Variants in SNX15 observed in about 807,000 individuals in gnomAD.
SNX15 encodes the protein sorting nexin-15.
In SNX15, 29 loss-of-function variants were observed where a neutral mutation model predicts 35.2. The observed-to-expected ratio is 0.82, with a 90% CI of 0.61 to 1.12. The LOEUF (loss-of-function observed/expected upper bound fraction) is 1.12, where lower values mean the gene tolerates loss of function less well. SNX15 is among the 50% of genes most tolerant of loss of function. The pLI, the probability that SNX15 is intolerant of heterozygous loss-of-function variation, is 0.00. For synonymous variants in SNX15, 189 were observed against 188.2 expected, an observed-to-expected ratio of 1.00 and a Z score of -0.03; for missense variants, 400 against 451.5, an observed-to-expected ratio of 0.89 and a Z score of 1.03.
Position 65,038,737 on chromosome 11 carries a change from C to A in SNX15, c.830C>A (p.Thr277Asn). Residue 277 changes from threonine to asparagine, a missense_variant, in exon 7 of 8, where the codon ACC becomes AAC. Thr to Asn is a moderately conservative substitution (Grantham distance 65). Coordinates refer to ENST00000377244, the MANE Select transcript of SNX15 (RefSeq NM_013306.5). ...AYLSQATELI[T>N]QALRDEKAGA... Reference sequence around the variant, plus strand: ...CTAAGCCAGGCCACAGAGCTCATCACCCAGGCCCTGCGGGATGAGAAGGCA... The same window carrying A: ...CTAAGCCAGGCCACAGAGCTCATCAACCAGGCCCTGCGGGATGAGAAGGCA... 1.9e-6 allele frequency: 3 copies of A among 1,604,102 alleles called. No individual in the cohort carries two copies. Among genetic ancestry groups the A allele is most frequent in the Non-Finnish European group, 2.6e-6 (3 of 1,175,794 alleles).
Position 65,039,853 on chromosome 11 carries a change from C to A in SNX15, c.*61C>A. On this transcript the variant is annotated 3_prime_UTR_variant, in exon 8 of 8. Transcript: ENST00000377244. Reference sequence around the variant, plus strand: ...GCACTGCCAGCCCCTTCTCCTCTCCCCAGGGCCTGGCCCTACCTCCTGGTC... The same window carrying A: ...GCACTGCCAGCCCCTTCTCCTCTCCACAGGGCCTGGCCCTACCTCCTGGTC... 1.7e-6 allele frequency: 2 copies of A among 1,173,712 alleles called. No individual in the cohort carries two copies. The highest frequency in any genetic ancestry group is 2.6e-5 in the South Asian group (2 of 76,528). The allele number at this position is 1,173,712 out of a possible 1,614,324, so 72.7% of individuals were successfully genotyped here. A position where few individuals can be genotyped will look rare whatever the true frequency, so the allele number is the denominator to read the frequency against.
At chr11:65,027,673 C>A (rs773520460) in intron 1 of SNX15, 37 bp downstream of exon 1, 3 of 1,494,178 alleles carry the variant, frequency 2.0e-6, no homozygotes, top group Non-Finnish European at 2.8e-6. Flanking sequence ...ACCCTTTTAA[C>A]TAGAGGGGCG....
At position 65,035,613 on chromosome 11, in the gene SNX15, G is replaced by A. The variant is rs369991698; in HGVS notation, c.614G>A (p.Gly205Asp). 14 of 1,613,832 alleles carry A rather than the reference G, an allele frequency of 8.7e-6. No homozygotes were observed. The highest frequency in any genetic ancestry group is 3.3e-5 in the Admixed American group (2 of 59,962). Reference protein sequence around the residue: ...TEEASGSPARGPLTEAELALF... With the variant: ...TEEASGSPARDPLTEAELALF... ...GAGGCATCTGGTTCCCCTGCCCGAG[G>A]CCCCCTCACCGAGGCTGAGCTTGCC... Residue 205 changes from glycine to aspartate, a missense_variant, in exon 6 of 8, where the codon GGC becomes GAC. Gly to Asp is a moderately conservative substitution (Grantham distance 94). Transcript: ENST00000377244.
Position 65,039,771 on chromosome 11 carries a change from C to T in SNX15, c.1008C>T (p.His336=). The T allele has an allele frequency of 1.9e-6, 3 of 1,612,356 alleles. No homozygotes were observed. The highest frequency in any genetic ancestry group is 1.7e-6 in the Non-Finnish European group (2 of 1,179,054). ...LKRAEEILRL[H]LSQLPP ...GGGCAGAGGAGATCCTGCGCCTGCA[C>T]CTGTCTCAACTCCCACCCTAACAGG... Residue 336 remains histidine, a synonymous_variant, in exon 8 of 8, where the codon CAC becomes CAT. Transcript: ENST00000377244.
At chr11:65,027,786 T>G in intron 1 of SNX15, 150 bp downstream of exon 1, 1 of 625,856 alleles carries the variant, frequency 1.6e-6, no homozygotes, top group Admixed American at 2.9e-5. Flanking sequence ...AGGCTTAGTT[T>G]ACATCTTTAA....
intron 1 of SNX15, 21 bp downstream of exon 1, chr11:65,027,657 T>C (rs1301510908): frequency 6.3e-7 from 1 of 1,580,242 alleles, no homozygotes; most frequent in South Asian, 1.1e-5. Flanking sequence ...GCCCAGCGCG[T>C]ACTTTACCCT....
intron 3 of SNX15, among the ~76,000 whole-genome samples, 167 bp from the exon 4 acceptor site, chr11:65,034,680 G>T (rs1440746758): frequency 6.6e-6 from 1 of 152,178 alleles, no homozygotes; most frequent in African/African-American, 2.4e-5. Context: ...CCTCCTGGAA[G>T]CCCCTACCTC....
chr11:65,040,178 T>C lies in SNX15; in HGVS notation c.*386T>C. 5.4e-6 allele frequency: 1 copy of C among 184,564 alleles called. No homozygotes were observed. The highest frequency in any genetic ancestry group is 1.2e-5 in the Non-Finnish European group (1 of 86,004). The allele number at this position is 184,564 out of a possible 1,614,324, so 11.4% of individuals were successfully genotyped here. ...CACCACGCCCAGCTAATATTTTGTA[T>C]TTTCAGTAGGGACGGGGTTACACCA... On this transcript the variant is annotated 3_prime_UTR_variant, in exon 8 of 8. Transcript: ENST00000377244.
At chr11:65,032,039 A>G in intron 1 of SNX15, 129 bp from the exon 2 acceptor site, 1 of 822,942 alleles carries the variant, frequency 1.2e-6, no homozygotes, top group Non-Finnish European at 2.0e-6. Context: ...GGGTGCCTTG[A>G]TGCCAGAGGC....
At chr11:65,030,076 G>C (rs1427211449) in intron 1 of SNX15, among the ~76,000 whole-genome samples, 2 of 152,000 alleles carry the variant, frequency 1.3e-5, no homozygotes, top group Admixed American at 6.6e-5. Context: ...TTTTGTAGAG[G>C]CTGGGCGTGG....
chr11:65,038,242 G>A (rs1946526102), intron 6 of SNX15: 1 of 1,044,326 alleles, frequency 9.6e-7, no homozygotes, highest in Non-Finnish European at 1.2e-6. Flanking sequence ...ATCCTTCAGG[G>A]AAACTTTCTG....
rs949083077 is a variant in SNX15, at chr11:65,035,146, C to A, written c.460C>A (p.Pro154Thr). Residue 154 changes from proline (P) to threonine (T), a missense_variant, in exon 5 of 8, where the codon CCC (proline) becomes ACC (threonine). Coordinates refer to ENST00000377244, the MANE Select transcript of SNX15 (RefSeq NM_013306.5). Reference sequence around the variant, plus strand: ...GATCCCCACCCCGCCCCCTGATGACCCCCGGCTATCCCAACTGCTCCCTGC... The same window carrying A: ...GATCCCCACCCCGCCCCCTGATGACACCCGGCTATCCCAACTGCTCCCTGC... Reference protein sequence around the residue: ...PLIPTPPPDDPRLSQLLPAER... With the variant: ...PLIPTPPPDDTRLSQLLPAER... 1 of 1,590,636 alleles carries A rather than the reference C, an allele frequency of 6.3e-7. No homozygotes were observed. Among genetic ancestry groups the A allele is most frequent in the African/African-American group, 1.3e-5 (1 of 74,310 alleles).
chr11:65,034,798 C>T, intron 3 of SNX15, 49 bp from the exon 4 acceptor site: 3 of 1,485,368 alleles, frequency 2.0e-6, no homozygotes, highest in Non-Finnish European at 2.8e-6. Flanking sequence ...GGCAGAAGCC[C>T]CTGTGGGTCA....
chr11:65,033,197 G>A (rs1290247886), intron 3 of SNX15, among the ~76,000 whole-genome samples: 1 of 151,616 alleles, frequency 6.6e-6, no homozygotes. Context: ...TTAGTATATT[G>A]ATTACATGTT....
intron 1 of SNX15, 126 bp downstream of exon 1, chr11:65,027,762 G>A: frequency 1.4e-6 from 1 of 707,284 alleles, no homozygotes; most frequent in Non-Finnish European, 2.5e-6. Context: ...CCTTTAAGGG[G>A]AGGTTGCAGT....
At chr11:65,034,545 C>T (rs770374009) in intron 3 of SNX15, among the ~76,000 whole-genome samples, 2 of 152,234 alleles carry the variant, frequency 1.3e-5, no homozygotes, top group Non-Finnish European at 2.9e-5. Flanking sequence ...CTGCCTAGCT[C>T]CCCCTGGGTA....
chr11:65,035,833 GT>G, intron 6 of SNX15, 170 bp downstream of exon 6: 2 of 627,800 alleles, frequency 3.2e-6, no homozygotes, highest in Non-Finnish European at 5.1e-6. Flanking sequence ...TAGAAGCCCT[GT>G]GCCAGGGCAC....
At chr11:65,032,675 C>A in intron 3 of SNX15, 124 bp downstream of exon 3, 1 of 1,181,624 alleles carries the variant, frequency 8.5e-7, no homozygotes, top group South Asian at 1.4e-5. Context: ...TTTGGAAGGG[C>A]CCTTAGAGAT....
At chr11:65,027,769 C>T (rs1946390839) in intron 1 of SNX15, 133 bp downstream of exon 1, 14 of 663,766 alleles carry the variant, frequency 2.1e-5, no homozygotes, top group Non-Finnish European at 3.2e-5. Context: ...GGGGAGGTTG[C>T]AGTACGAGGC....
Sources: gnomAD v4.1 joint callset for allele counts (sites outside exome capture counted in the v4.1 genomes callset) on GRCh38, gnomAD v4.1.1 for gene constraint, MANE v1.5 for transcripts, NCBI Gene and HGNC (gene_info 2026-07-23, HGNC 2026-07-21) for gene names.